Variants in PPFIA2 observed in about 807,000 individuals in gnomAD.
PPFIA2 encodes PPFI scaffold protein A2.
A neutral mutation model predicts 175.5 loss-of-function variants in PPFIA2; 46 were observed. That is an observed-to-expected ratio of 0.26 (90% CI 0.21 to 0.34). The LOEUF is 0.34. PPFIA2 is among the 10% of genes least tolerant of loss of function. PPFIA2 has a pLI of 1.00. For synonymous variants in PPFIA2, 568 were observed against 511.4 expected, an observed-to-expected ratio of 1.11 and a Z score of -1.49; for missense variants, 1,179 against 1,506.1, an observed-to-expected ratio of 0.78 and a Z score of 3.60.
chr12:81,434,433 C>T (rs1393614370), intron 7 of PPFIA2, among the ~76,000 whole-genome samples: 1 of 151,960 alleles, frequency 6.6e-6, no homozygotes, highest in Non-Finnish European at 1.5e-5. Flanking sequence ...TAAAAGCCTA[C>T]TGTAATATGT....
At chr12:81,506,270 T>C (rs1311136627) in intron 4 of PPFIA2, among the ~76,000 whole-genome samples, 1 of 152,192 alleles carries the variant, frequency 6.6e-6, no homozygotes, top group Non-Finnish European at 1.5e-5. Context: ...TTTTCTTTCT[T>C]GTCTGCCTGA....
intron 4 of PPFIA2, among the ~76,000 whole-genome samples, chr12:81,651,896 G>T (rs2067087178): frequency 6.6e-6 from 1 of 151,944 alleles, no homozygotes; most frequent in African/African-American, 2.4e-5. Flanking sequence ...GCATCCCCTT[G>T]TGATTAATTA....
At chr12:81,481,014 C>T (rs2058146677) in intron 4 of PPFIA2, among the ~76,000 whole-genome samples, 1 of 152,150 alleles carries the variant, frequency 6.6e-6, no homozygotes, top group South Asian at 2.1e-4. Context: ...AAAAAAATCT[C>T]CCGAAGCTGA....
chr12:81,733,364 G>A (rs2081170111), intron 3 of PPFIA2, among the ~76,000 whole-genome samples: 1 of 151,602 alleles, frequency 6.6e-6, no homozygotes, highest in Non-Finnish European at 1.5e-5. Flanking sequence ...TTTCAGTTAT[G>A]CAGTATGAAT....
At chr12:81,283,510 A>C (rs937024238) in intron 25 of PPFIA2, among the ~76,000 whole-genome samples, 1 of 152,036 alleles carries the variant, frequency 6.6e-6, no homozygotes, top group Admixed American at 6.6e-5. Flanking sequence ...ACAAGACAAA[A>C]ACCAAGTACA....
At chr12:81,706,371 C>T (rs1258505076) in intron 3 of PPFIA2, among the ~76,000 whole-genome samples, 1 of 152,124 alleles carries the variant, frequency 6.6e-6, no homozygotes, top group Admixed American at 6.5e-5. Flanking sequence ...AATGCATTTA[C>T]AGTATTGTGC....
intron 3 of PPFIA2, among the ~76,000 whole-genome samples, chr12:81,725,423 A>G (rs555578606): frequency 6.6e-6 from 1 of 151,086 alleles, no homozygotes; most frequent in African/African-American, 2.4e-5. Context: ...CATCAGTAGG[A>G]AAGGAAAAAC....
intron 3 of PPFIA2, chr12:81,687,536 A>G (rs761148730): frequency 1.3e-5 from 2 of 152,012 alleles, no homozygotes; most frequent in Non-Finnish European, 2.9e-5. Flanking sequence ...TACTGTCCCA[A>G]GAAACTTTGC....
At chr12:81,573,388 T>G (rs1284820613) in intron 4 of PPFIA2, among the ~76,000 whole-genome samples, 1 of 151,928 alleles carries the variant, frequency 6.6e-6, no homozygotes, top group Non-Finnish European at 1.5e-5. Flanking sequence ...AAAAGTGGTT[T>G]ATACTTAGAG....
intron 4 of PPFIA2, among the ~76,000 whole-genome samples, chr12:81,559,811 T>TG (rs2069619799): frequency 6.6e-6 from 1 of 151,566 alleles, no homozygotes; most frequent in Non-Finnish European, 1.5e-5. Context: ...GTTGTTTTTT[T>TG]TTTTGTTGTT....
chr12:81,648,838 T>C (rs2066571206), intron 4 of PPFIA2, among the ~76,000 whole-genome samples: 1 of 151,890 alleles, frequency 6.6e-6, no homozygotes, highest in Admixed American at 6.6e-5. Context: ...CCAAAACATA[T>C]ATGGTCACTT....
chr12:81,641,452 G>A (rs1567681011), intron 4 of PPFIA2, among the ~76,000 whole-genome samples: 2 of 152,200 alleles, frequency 1.3e-5, no homozygotes, highest in South Asian at 2.1e-4. Flanking sequence ...TAACCTGTCC[G>A]GTGATTGACT....
At chr12:81,446,531 A>G (rs1440262028) in intron 5 of PPFIA2, among the ~76,000 whole-genome samples, 1 of 152,228 alleles carries the variant, frequency 6.6e-6, no homozygotes, top group Admixed American at 6.5e-5. Flanking sequence ...TGAGAAGAAA[A>G]TCAGAAATTG....
chr12:81,597,981 G>A, intron 4 of PPFIA2: 1 of 1,535,184 alleles, frequency 6.5e-7, no homozygotes. Context: ...GTCCCATTAG[G>A]AGGATGCACT....
At chr12:81,298,214 A>T (rs2046970679) in intron 23 of PPFIA2, 2 of 152,118 alleles carry the variant, frequency 1.3e-5, no homozygotes, top group African/African-American at 4.8e-5. Context: ...AAATATAGTA[A>T]TTTTAAAGAC....
chr12:81,565,275 C>T (rs933293426), intron 4 of PPFIA2, among the ~76,000 whole-genome samples: 1 of 152,134 alleles, frequency 6.6e-6, no homozygotes, highest in Non-Finnish European at 1.5e-5. Context: ...AGGAGCCACC[C>T]CCAACACTCC....
At chr12:81,545,582 C>T in intron 4 of PPFIA2, 1 of 154,154 alleles carries the variant, frequency 6.5e-6, no homozygotes, top group Non-Finnish European at 1.5e-5. Flanking sequence ...TGCAAAAGGA[C>T]AGTCAAAAAT....
chr12:81,597,697 T>C (rs2059389139), intron 4 of PPFIA2, among the ~76,000 whole-genome samples: 1 of 151,922 alleles, frequency 6.6e-6, no homozygotes. Flanking sequence ...CCTTCAAGGA[T>C]GACACTGTAG....
Position 81,754,019 on chromosome 12 carries a change from T to C in PPFIA2, c.203A>G (p.Tyr68Cys), listed in dbSNP as rs2084254504. 3 of 1,613,832 alleles carry C rather than the reference T, an allele frequency of 1.9e-6. No homozygotes were observed. Among genetic ancestry groups the C allele is most frequent in the East Asian group, 4.5e-5 (2 of 44,878 alleles). ...LAQQRLQDVI[Y>C]DRDSLQRQLN... ...CTGTCTCTGGAGTGAGTCTCGGTCATAGATGACATCCTGAAGTCTTTGCTG... is the reference window on the plus strand; with the variant it reads ...CTGTCTCTGGAGTGAGTCTCGGTCACAGATGACATCCTGAAGTCTTTGCTG... Residue 68 changes from tyrosine (Y) to cysteine (C), a missense_variant, in exon 3 of 33, where the codon TAT (tyrosine) becomes TGT (cysteine). Around this residue, in one of 10 missense-constraint regions of PPFIA2, gnomAD observed 128 missense variants for 141.4 expected, o/e 0.91. Coordinates refer to ENST00000549396, the MANE Select transcript of PPFIA2 (RefSeq NM_003625.5).
Sources: gnomAD v4.1 joint callset for allele counts (sites outside exome capture counted in the v4.1 genomes callset) on GRCh38, gnomAD v4.1.1 for gene constraint, gnomAD v4.1.1 regional missense constraint, MANE v1.5 for transcripts, NCBI Gene and HGNC (gene_info 2026-07-23, HGNC 2026-07-21) for gene names.